Variants in UGGT2 observed in about 807,000 individuals in gnomAD.
UGGT2 encodes UDP-glucose:glycoprotein glucosyltransferase 2.
A neutral mutation model predicts 192.1 loss-of-function variants in UGGT2; 180 were observed. The ratio of observed to expected loss-of-function variants is 0.94; its 90% CI spans 0.83 to 1.06. The LOEUF (loss-of-function observed/expected upper bound fraction) is 1.06, where lower values mean the gene tolerates loss of function less well. UGGT2 is among the 50% of genes least tolerant of loss of function. UGGT2 has a pLI of 0.00. For missense variants in UGGT2, 1,849 were observed against 1,795.7 expected (o/e 1.03, Z -0.54); for synonymous variants, 580 against 591.0 (o/e 0.98, Z 0.27).
chr13:95,865,209 T>C (rs1890543472), intron 30 of UGGT2, among the ~76,000 whole-genome samples: 1 of 152,228 alleles, frequency 6.6e-6, no homozygotes, highest in South Asian at 2.1e-4. Flanking sequence ...CTCTGTTGTT[T>C]CTGGAATTCC....
intron 36 of UGGT2, among the ~76,000 whole-genome samples, chr13:95,846,653 A>C (rs530879130): frequency 5.9e-5 from 9 of 152,208 alleles, no homozygotes; most frequent in African/African-American, 1.4e-4. Flanking sequence ...AACTGGTATT[A>C]TTTCTTTCTT....
intron 5 of UGGT2, among the ~76,000 whole-genome samples, chr13:96,005,444 G>A (rs974171789): frequency 1.3e-4 from 20 of 152,200 alleles, no homozygotes; most frequent in African/African-American, 3.4e-4. Context: ...CACTCTAATG[G>A]TGACAGGTAG....
intron 5 of UGGT2, among the ~76,000 whole-genome samples, chr13:96,012,843 A>C (rs2052206574): frequency 6.6e-6 from 1 of 151,986 alleles, no homozygotes; most frequent in African/African-American, 2.4e-5. Flanking sequence ...AAACAGAAAA[A>C]TGTGATAGTG....
At chr13:95,907,689 G>C (rs1387595227) in intron 20 of UGGT2, among the ~76,000 whole-genome samples, 2 of 152,126 alleles carry the variant, frequency 1.3e-5, no homozygotes, top group African/African-American at 4.8e-5. Flanking sequence ...AAACAGAAAG[G>C]AATAGCATCA....
Position 95,862,920 on chromosome 13 carries a change from C to T in UGGT2, c.3644+709G>A, listed in dbSNP as rs139054819. Among the ~76,000 whole-genome samples the T allele has an allele frequency of 3.2e-3, 488 of 152,194 alleles. 3 individuals are homozygous for T. The highest frequency in any genetic ancestry group is 0.011 in the African/African-American group (460 of 41,542). On this transcript the variant is annotated intron_variant, in intron 31 of 38. Coordinates refer to ENST00000376747, the MANE Select transcript of UGGT2 (RefSeq NM_020121.4). ...CTCTGTCACCCAGGCTGGAGTGCAG[C>T]GTTGCAATCTTGACTTACTGCAGCT...
At chr13:95,963,468 T>C (rs1231760276) in intron 12 of UGGT2, among the ~76,000 whole-genome samples, 3 of 151,482 alleles carry the variant, frequency 2.0e-5, no homozygotes, top group Non-Finnish European at 4.4e-5. Flanking sequence ...AAAAGCTGAG[T>C]TCTAAGAACT....
chr13:95,966,173 G>C (rs895518329), intron 12 of UGGT2, among the ~76,000 whole-genome samples: 1 of 152,144 alleles, frequency 6.6e-6, no homozygotes, highest in Non-Finnish European at 1.5e-5. Context: ...AATGGATAAA[G>C]AATATGTGGT....
At chr13:95,942,029 AC>A (rs1409400055) in intron 15 of UGGT2, among the ~76,000 whole-genome samples, 1 of 152,100 alleles carries the variant, frequency 6.6e-6, no homozygotes. Context: ...GTCTTCTATG[AC>A]TTCATTATGT....
chr13:95,973,006 A>G (rs1158220956), intron 10 of UGGT2, among the ~76,000 whole-genome samples: 1 of 152,168 alleles, frequency 6.6e-6, no homozygotes, highest in African/African-American at 2.4e-5. Flanking sequence ...CCCCATCTCT[A>G]CTAAACACAA....
At chr13:95,920,695 T>A (rs1222921885) in intron 20 of UGGT2, among the ~76,000 whole-genome samples, 2 of 152,132 alleles carry the variant, frequency 1.3e-5, no homozygotes. Context: ...AAAGAACAGA[T>A]GCTGGCAAGG....
In UGGT2 at chr13:95,948,061, G is replaced by T. The variant is rs764418373; in HGVS notation, c.1476C>A (p.Ala492=). 2 of 1,612,762 alleles carry T rather than the reference G, an allele frequency of 1.2e-6. No individual in the cohort carries two copies. The highest frequency in any genetic ancestry group is 2.2e-5 in the South Asian group (2 of 90,982). Residue 492 remains alanine (A), a synonymous_variant, in exon 14 of 39, where the codon GCC becomes GCA. Coordinates refer to ENST00000376747, the MANE Select transcript of UGGT2 (RefSeq NM_020121.4). ...FHNLVLFIDP[A]QEYTLDFIKL... ...TTATAAAATCCAAGGTATATTCTTG[G>T]GCCGGATCAATAAACAGAACCTAAA...
intron 38 of UGGT2, among the ~76,000 whole-genome samples, chr13:95,815,189 A>T (rs1884766277): frequency 6.6e-6 from 1 of 152,192 alleles, no homozygotes; most frequent in Admixed American, 6.5e-5. Context: ...TCTGTTCTCA[A>T]CCCAGAGGCC....
intron 5 of UGGT2, among the ~76,000 whole-genome samples, chr13:96,003,093 C>G (rs367550825): frequency 2.0e-5 from 3 of 152,108 alleles, no homozygotes; most frequent in African/African-American, 7.2e-5. Context: ...GGGGGATGAG[C>G]TTGCCATGAA....
At chr13:95,933,131 T>G (rs888708803) in intron 17 of UGGT2, among the ~76,000 whole-genome samples, 1 of 152,164 alleles carries the variant, frequency 6.6e-6, no homozygotes, top group African/African-American at 2.4e-5. Context: ...CCTCCTTGGT[T>G]TTTTGGAATA....
At chr13:95,966,784 G>A (rs557439412) in intron 12 of UGGT2, among the ~76,000 whole-genome samples, 217 of 152,088 alleles carry the variant, frequency 1.4e-3, no homozygotes, top group African/African-American at 4.8e-3. Context: ...AGAACATGAT[G>A]AAAAAAATTA....
intron 31 of UGGT2, among the ~76,000 whole-genome samples, chr13:95,861,979 A>G (rs1890211783): frequency 6.6e-6 from 1 of 152,206 alleles, no homozygotes; most frequent in Admixed American, 6.5e-5. Flanking sequence ...AAGTGGCTAT[A>G]CCATAATTGA....
At position 95,918,944 on chromosome 13, in the gene UGGT2, T is replaced by C. The variant is rs118102518; in HGVS notation, c.2295+6736A>G. Among the ~76,000 whole-genome samples the C allele has an allele frequency of 4.0e-3, 607 of 152,252 alleles. 1 individual carries two copies. Among genetic ancestry groups the C allele is most frequent in the Non-Finnish European group, 4.5e-3 (306 of 68,010 alleles). The stretch of plus-strand genomic sequence containing the variant: ...AAAGGAAAACTTCATGTCAATACCA[T>C]TGATGAACATCAATGCAAAAATCCT... On this transcript the variant is annotated intron_variant, in intron 20 of 38. Coordinates refer to ENST00000376747, the MANE Select transcript of UGGT2 (RefSeq NM_020121.4).
intron 1 of UGGT2, among the ~76,000 whole-genome samples, chr13:96,046,669 G>A (rs1377415599): frequency 6.6e-6 from 1 of 152,206 alleles, no homozygotes; most frequent in Non-Finnish European, 1.5e-5. Flanking sequence ...GCGGGGCAAG[G>A]CATCGCCTCA....
At chr13:95,954,260 A>G (rs1566750683) in intron 12 of UGGT2, among the ~76,000 whole-genome samples, 1 of 152,196 alleles carries the variant, frequency 6.6e-6, no homozygotes, top group Non-Finnish European at 1.5e-5. Flanking sequence ...ATGTATGTAA[A>G]CCAAAAATAA....
Sources: gnomAD v4.1 joint callset for allele counts (sites outside exome capture counted in the v4.1 genomes callset) on GRCh38, gnomAD v4.1.1 for gene constraint, MANE v1.5 for transcripts, NCBI Gene and HGNC (gene_info 2026-07-23, HGNC 2026-07-21) for gene names.